SYT9: variants seen among roughly 807,000 people sequenced by gnomAD.
The protein encoded by SYT9 is synaptotagmin 9.
In SYT9, 22 loss-of-function variants were observed where a neutral mutation model predicts 48.4. The observed-to-expected ratio is 0.45, with a 90% CI of 0.32 to 0.65. The LOEUF is 0.65. SYT9 is among the 30% of genes least tolerant of loss of function. SYT9 has a pLI of 0.03. For synonymous variants in SYT9, 265 were observed against 245.0 expected (o/e 1.08, Z -0.76); for missense variants, 577 against 622.0 (o/e 0.93, Z 0.77).
chr11:7,273,574 A>G (rs1198389039), intron 1 of SYT9, among the ~76,000 whole-genome samples: 1 of 152,130 alleles, frequency 6.6e-6, no homozygotes, highest in East Asian at 1.9e-4. Context: ...AAAGAACTTG[A>G]AGATTGCTGC....
chr11:7,280,066 A>G (rs1206853279), intron 1 of SYT9, among the ~76,000 whole-genome samples: 1 of 152,288 alleles, frequency 6.6e-6, no homozygotes, highest in Non-Finnish European at 1.5e-5. Flanking sequence ...GGGATGTATC[A>G]GTACATCTGT....
intron 3 of SYT9, among the ~76,000 whole-genome samples, chr11:7,341,132 A>G (rs759092717): frequency 6.6e-6 from 1 of 152,164 alleles, no homozygotes; most frequent in Non-Finnish European, 1.5e-5. Flanking sequence ...GTGAAGAGAA[A>G]TGGGATCCAG....
intron 6 of SYT9, among the ~76,000 whole-genome samples, chr11:7,463,303 A>G (rs7116778): frequency 6.6e-6 from 1 of 152,060 alleles, no homozygotes; most frequent in African/African-American, 2.4e-5. Flanking sequence ...CTTCCTCTCA[A>G]CAAAATCCCA....
intron 1 of SYT9, among the ~76,000 whole-genome samples, chr11:7,240,289 C>T (rs985817832): frequency 5.3e-5 from 8 of 152,140 alleles, no homozygotes; most frequent in Non-Finnish European, 1.2e-4. Flanking sequence ...GACCAGATTC[C>T]ACATTTTAAC....
chr11:7,312,438 T>C (rs181606252), intron 2 of SYT9, among the ~76,000 whole-genome samples: 33 of 152,298 alleles, frequency 2.2e-4, no homozygotes, highest in African/African-American at 7.7e-4. Flanking sequence ...CAATACAATA[T>C]AATGACTCTA....
chr11:7,260,956 G>A (rs148657176), intron 1 of SYT9, among the ~76,000 whole-genome samples: 1 of 152,154 alleles, frequency 6.6e-6, no homozygotes, highest in Admixed American at 6.5e-5. Flanking sequence ...TAACTATCCA[G>A]TCTGTGGATG....
chr11:7,247,855 G>C (rs1847814186), upstream of SYT9, among the ~76,000 whole-genome samples: 1 of 151,982 alleles, frequency 6.6e-6, no homozygotes, highest in African/African-American at 2.4e-5. Context: ...TAGTGGGACA[G>C]CTGCATCAAA....
intron 2 of SYT9, among the ~76,000 whole-genome samples, chr11:7,303,896 C>A (rs545146474): frequency 1.3e-5 from 2 of 152,298 alleles, no homozygotes; most frequent in African/African-American, 4.8e-5. Flanking sequence ...TCTCTTCAGA[C>A]TCCGCCGTGT....
At chr11:7,395,392 ATTTG>A (rs939960944) in intron 3 of SYT9, among the ~76,000 whole-genome samples, 5 of 151,610 alleles carry the variant, frequency 3.3e-5, no homozygotes, top group Non-Finnish European at 5.9e-5. Flanking sequence ...TAAATCTATA[ATTTG>A]TTTGTTAGTT....
chr11:7,252,046 T>C lies in SYT9; in HGVS notation c.-141T>C. 2.9e-6 allele frequency: 3 copies of C among 1,031,540 alleles called. No individual in the cohort carries two copies. The highest frequency in any genetic ancestry group is 3.8e-6 in the Non-Finnish European group (3 of 783,560). 63.9% of individuals were successfully genotyped at this position (1,031,540 alleles called of 1,614,324 possible). ...AGGCCGGGCCGGCTGGGTCTGGGGC[T>C]CGGGCTCAGGCTCGCACCGTTTCTC... On this transcript the variant is annotated 5_prime_UTR_variant, in exon 1 of 7. Coordinates refer to ENST00000318881, the MANE Select transcript of SYT9 (RefSeq NM_175733.4). The surrounding 1 kb of genome is among the most constrained non-coding windows in gnomAD (Gnocchi z 6.3).
At chr11:7,435,032 A>G (rs1462529533) in intron 6 of SYT9, 2 of 152,196 alleles carry the variant, frequency 1.3e-5, no homozygotes, top group Admixed American at 6.5e-5. Context: ...CCTTGCAAAG[A>G]AAGAAATAAT....
At chr11:7,432,870 A>C (rs1847635590) in intron 6 of SYT9, among the ~76,000 whole-genome samples, 1 of 151,890 alleles carries the variant, frequency 6.6e-6, no homozygotes, top group African/African-American at 2.4e-5. Context: ...GAATGACCTA[A>C]GACTTTGGGG....
At chr11:7,239,991 A>C (rs1199061110) in intron 1 of SYT9, among the ~76,000 whole-genome samples, 1 of 152,212 alleles carries the variant, frequency 6.6e-6, no homozygotes, top group Admixed American at 6.6e-5. Context: ...AGCATATAGA[A>C]GGAATTTAAA....
intron 3 of SYT9, among the ~76,000 whole-genome samples, chr11:7,353,218 G>A (rs1190814251): frequency 1.3e-5 from 2 of 152,084 alleles, no homozygotes; most frequent in Non-Finnish European, 2.9e-5. Context: ...ATTGCAAGAG[G>A]AACGGGGTTT....
chr11:7,460,580 T>C (rs11041396), intron 6 of SYT9, among the ~76,000 whole-genome samples: 49,630 of 151,768 alleles, frequency 0.33, 9,371 homozygotes, highest in African/African-American at 0.52. Flanking sequence ...ATGTTAAGCA[T>C]TTCAATATCT....
chr11:7,341,746 G>A (rs1300658290), intron 3 of SYT9, among the ~76,000 whole-genome samples: 3 of 152,118 alleles, frequency 2.0e-5, no homozygotes, highest in African/African-American at 7.2e-5. Context: ...ATCATACTGT[G>A]TGTAATCATA....
At chr11:7,381,931 A>C (rs1345280455) in intron 3 of SYT9, among the ~76,000 whole-genome samples, 1 of 152,146 alleles carries the variant, frequency 6.6e-6, no homozygotes, top group Non-Finnish European at 1.5e-5. Flanking sequence ...CCTTTGGAGG[A>C]GGGGAATCCC....
chr11:7,344,213 T>G (rs774942782), intron 3 of SYT9, among the ~76,000 whole-genome samples: 1 of 152,204 alleles, frequency 6.6e-6, no homozygotes, highest in Non-Finnish European at 1.5e-5. Flanking sequence ...TGCAGCCCAG[T>G]TCCCCTAGTC....
In SYT9 at chr11:7,303,025, T is replaced by G; in HGVS notation, c.146-14T>G. The G allele has an allele frequency of 1.2e-6, 2 of 1,611,356 alleles. No homozygotes were observed. The highest frequency in any genetic ancestry group is 4.5e-5 in the East Asian group (2 of 44,852). On this transcript the variant is annotated splice_polypyrimidine_tract_variant and intron_variant, in intron 1 of 6. Transcript: ENST00000318881. ...GAATGACCACACTGACCTTTGATCTTTGCTTCTTTGCAGATATCTCAGTGA... is the reference window on the plus strand; with the variant it reads ...GAATGACCACACTGACCTTTGATCTGTGCTTCTTTGCAGATATCTCAGTGA...
Sources: gnomAD v4.1 joint callset for allele counts (sites outside exome capture counted in the v4.1 genomes callset) on GRCh38, gnomAD v4.1.1 for gene constraint, Gnocchi (gnomAD v3.1) non-coding constraint, MANE v1.5 for transcripts, NCBI Gene and HGNC (gene_info 2026-07-23, HGNC 2026-07-21) for gene names.